BID: variants seen among roughly 807,000 people sequenced by gnomAD.
The protein encoded by BID is BH3 interacting domain death agonist.
Under a neutral mutation model 17.4 loss-of-function variants are expected in BID, and 19 were observed. The ratio of observed to expected loss-of-function variants is 1.09; its 90% CI spans 0.76 to 1.60. The LOEUF (loss-of-function observed/expected upper bound fraction) is 1.60, where lower values mean the gene tolerates loss of function less well. Among genes scored for constraint, BID ranks in the 40% most tolerant of loss-of-function variants. The probability of loss-of-function intolerance (pLI) is 0.00; values close to 1 mark genes in which losing one functional copy is unlikely to be tolerated. For synonymous variants in BID, 108 were observed against 102.8 expected, an observed-to-expected ratio of 1.05 and a Z score of -0.31; for missense variants, 226 against 256.0, an observed-to-expected ratio of 0.88 and a Z score of 0.80.
intron 1 of BID, among the ~76,000 whole-genome samples, chr22:17,757,832 A>G (rs887346597): frequency 2.0e-5 from 3 of 152,068 alleles, no homozygotes; most frequent in African/African-American, 7.2e-5. Context: ...ACAGCAAGGG[A>G]CTCGGCCGCT....
chr22:17,735,591 C>T lies in BID; in HGVS notation c.577G>A (p.Gly193Arg), dbSNP rs774617687. 7.4e-6 allele frequency: 12 copies of T among 1,614,058 alleles called. No individual in the cohort carries two copies. In the Admixed American group the frequency reaches 2.0e-4, roughly 27 times the overall value. Residue 193 changes from glycine (G) to arginine (R), a missense_variant and splice_region_variant, in exon 6 of 6, where the codon GGG becomes AGG. Transcript: ENST00000622694. ...CTGGAACTGTCCGTTCAGTCCATCC[C>T]CTAGAGCAAGAAAGGAGAAAAAGCC... The part of the protein sequence containing the change: ...RTYVRSLARN[G>R]MD
chr22:17,755,516 T>G (rs1319935004), intron 1 of BID, among the ~76,000 whole-genome samples: 1 of 152,038 alleles, frequency 6.6e-6, no homozygotes, highest in African/African-American at 2.4e-5. Context: ...AATAAAGGGT[T>G]TGGAGGCCGG....
At chr22:17,760,949 C>G (rs1011449859) in intron 1 of BID, among the ~76,000 whole-genome samples, 2 of 152,202 alleles carry the variant, frequency 1.3e-5, no homozygotes, top group African/African-American at 4.8e-5. Flanking sequence ...CACTGACAAG[C>G]ACGGGGCCTC....
At chr22:17,767,151 G>C (rs1177167535) in intron 1 of BID, among the ~76,000 whole-genome samples, 5 of 151,432 alleles carry the variant, frequency 3.3e-5, no homozygotes, top group African/African-American at 1.2e-4. Context: ...TTGAACCCAG[G>C]AGGCAGAGGT....
intron 1 of BID, 126 bp from the exon 2 acceptor site, chr22:17,750,300 C>G (rs909636657): frequency 6.5e-6 from 5 of 765,676 alleles, no homozygotes; most frequent in Non-Finnish European, 1.1e-5. Context: ...GCCTGAGCCC[C>G]GCATCCTGAG....
At chr22:17,774,047 T>G in intron 1 of BID, 1 of 335,162 alleles carries the variant, frequency 3.0e-6, no homozygotes, top group Non-Finnish European at 5.5e-6. Context: ...CCCCTCCCCC[T>G]CCCCGCGCCC....
At chr22:17,742,376 G>A (rs2145878272) in intron 3 of BID, among the ~76,000 whole-genome samples, 1 of 152,322 alleles carries the variant, frequency 6.6e-6, no homozygotes, top group East Asian at 1.9e-4. Flanking sequence ...GCCCTTCCTG[G>A]ACCTTCCCAA....
At chr22:17,763,018 A>G (rs1298165309) in intron 1 of BID, among the ~76,000 whole-genome samples, 2 of 151,910 alleles carry the variant, frequency 1.3e-5, no homozygotes, top group East Asian at 3.9e-4. Flanking sequence ...CTGGGACTAC[A>G]GGCATGCACC....
chr22:17,757,513 C>G lies in BID; in HGVS notation c.-58-7339G>C, dbSNP rs554876517. On this transcript the variant is annotated intron_variant, in intron 1 of 5. Coordinates refer to ENST00000622694, the MANE Select transcript of BID (RefSeq NM_001196.4). Reference sequence around the variant, plus strand: ...CACAAGGTCAGGAGATCCAGACCATCCTGGCTAACACGGTGAAACCCCGTC... The same window carrying G: ...CACAAGGTCAGGAGATCCAGACCATGCTGGCTAACACGGTGAAACCCCGTC... Among the ~76,000 whole-genome samples, 772 of 151,422 alleles carry G rather than the reference C, an allele frequency of 5.1e-3. 13 individuals carry two copies. Among genetic ancestry groups the G allele is most frequent in the South Asian group, 0.02 (96 of 4,778 alleles).
chr22:17,757,283 C>T (rs1016100605), intron 1 of BID, among the ~76,000 whole-genome samples: 5 of 150,782 alleles, frequency 3.3e-5, no homozygotes, highest in African/African-American at 7.3e-5. Context: ...GGCATGGTGG[C>T]GTGTGCCTGT....
intron 5 of BID, among the ~76,000 whole-genome samples, chr22:17,736,658 G>T (rs1057224573): frequency 1.3e-5 from 2 of 152,122 alleles, no homozygotes; most frequent in Non-Finnish European, 2.9e-5. Flanking sequence ...TCTTGTTTTT[G>T]TTCAGGCTGG....
intron 1 of BID, among the ~76,000 whole-genome samples, chr22:17,770,350 G>A (rs1348951446): frequency 2.6e-5 from 4 of 152,182 alleles, no homozygotes; most frequent in Non-Finnish European, 5.9e-5. Context: ...GGGATCACAT[G>A]CAGTATCAGA....
intron 2 of BID, among the ~76,000 whole-genome samples, chr22:17,748,779 C>A (rs917872076): frequency 6.6e-6 from 1 of 152,194 alleles, no homozygotes; most frequent in Admixed American, 6.5e-5. Context: ...CAGGGCGCTG[C>A]GCGGGTGACG....
At chr22:17,747,536 G>T (rs1334096964) in intron 2 of BID, among the ~76,000 whole-genome samples, 1 of 152,026 alleles carries the variant, frequency 6.6e-6, no homozygotes, top group Non-Finnish European at 1.5e-5. Context: ...GGCCAGGCTG[G>T]TCTGGAGCTC....
chr22:17,751,098 C>A (rs914495624), intron 1 of BID, among the ~76,000 whole-genome samples: 7 of 151,780 alleles, frequency 4.6e-5, no homozygotes, highest in African/African-American at 7.3e-5. Context: ...TGAGGCCGGG[C>A]GCGGTGGCTC....
chr22:17,751,903 C>T (rs746493891), intron 1 of BID, among the ~76,000 whole-genome samples: 2 of 152,234 alleles, frequency 1.3e-5, no homozygotes, highest in Admixed American at 6.5e-5. Flanking sequence ...AGAGACAAAG[C>T]GCAAGACAGA....
chr22:17,755,566 G>C (rs1052846390), intron 1 of BID, among the ~76,000 whole-genome samples: 1 of 152,032 alleles, frequency 6.6e-6, no homozygotes, highest in Non-Finnish European at 1.5e-5. Flanking sequence ...ACTTTGGGAG[G>C]CTGAGGCGGG....
intron 3 of BID, 83 bp downstream of exon 3, chr22:17,743,720 C>T: frequency 7.1e-7 from 1 of 1,408,120 alleles, no homozygotes; most frequent in Non-Finnish European, 9.6e-7. Flanking sequence ...TCCCGGGGGT[C>T]CCTTCCAGCC....
Position 17,774,425 on chromosome 22 carries a change from C to T in BID, c.-103G>A, listed in dbSNP as rs1331385792. On this transcript the variant is annotated 5_prime_UTR_variant, in exon 1 of 6. Transcript: ENST00000622694. ...CGCGGGCGCGTCCGGGCCGAGGCAGCGTCTCCCAGGCGCGCGGACACGGTC... is the reference window on the plus strand; with the variant it reads ...CGCGGGCGCGTCCGGGCCGAGGCAGTGTCTCCCAGGCGCGCGGACACGGTC... 1.1e-5 allele frequency: 3 copies of T among 284,546 alleles called. No individual in the cohort carries two copies. Among genetic ancestry groups the T allele is most frequent in the South Asian group, 2.7e-5 (1 of 36,408 alleles). 17.6% of individuals were successfully genotyped at this position (284,546 alleles called of 1,614,324 possible).
Sources: allele counts gnomAD v4.1 joint callset (sites outside exome capture counted in the v4.1 genomes callset), GRCh38; gene constraint gnomAD v4.1.1; transcripts MANE v1.5; gene names NCBI Gene and HGNC (gene_info 2026-07-23, HGNC 2026-07-21).